The following KITLG variants were observed in gnomAD, a reference collection of about 807,000 sequenced individuals.
The protein encoded by KITLG is KIT ligand.
KITLG carries 13 observed loss-of-function variants against 34.1 expected under a neutral mutation model. The observed-to-expected ratio is 0.38, with a 90% CI of 0.25 to 0.61. The LOEUF (loss-of-function observed/expected upper bound fraction) is 0.61. Ranked by LOEUF, KITLG falls within the 20% of genes least tolerant of loss-of-function variation. The pLI is 0.60. For synonymous variants in KITLG, 110 were observed against 104.0 expected, an observed-to-expected ratio of 1.06 and a Z score of -0.35; for missense variants, 292 against 318.9, an observed-to-expected ratio of 0.92 and a Z score of 0.64.
At position 88,515,331 on chromosome 12, in the gene KITLG, T is replaced by G. The variant is rs368635975; in HGVS notation, c.604+203A>C. Among the ~76,000 whole-genome samples, 6 of 151,872 alleles carry G rather than the reference T, an allele frequency of 4.0e-5. No homozygotes were observed. The East Asian group carries it at 1.2e-3, about 29-fold the overall frequency. On this transcript the variant is annotated intron_variant, in intron 6 of 9. Transcript: ENST00000644744. ...AAAATAACCTCAGCAGAAAATTTAT[T>G]GGCCTAATTCTCTAAACATTATCTC...
At chr12:88,531,257 T>C (rs1437718593) in intron 3 of KITLG, among the ~76,000 whole-genome samples, 2 of 152,184 alleles carry the variant, frequency 1.3e-5, no homozygotes, top group Non-Finnish European at 2.9e-5. Context: ...TAGTGAATGC[T>C]GTCCACATTA....
chr12:88,556,158 C>T (rs1429140035), intron 1 of KITLG, among the ~76,000 whole-genome samples: 2 of 145,880 alleles, frequency 1.4e-5, no homozygotes, highest in African/African-American at 5.1e-5. Context: ...GGAAACAAGG[C>T]ATGTTCTTAG....
rs12344 is a variant in KITLG, at chr12:88,493,186, T to C, written c.*4033A>G. 11,865 of 152,376 alleles carry C rather than the reference T, an allele frequency of 0.078. 507 individuals carry two copies. Among genetic ancestry groups the C allele is most frequent in the Non-Finnish European group, 0.1 (6,958 of 67,828 alleles). 9.4% of individuals were successfully genotyped at this position (152,376 alleles called of 1,614,324 possible). ...ATTTTGATTGGAAAATTATATTTAG[T>C]GAGTATTGTAGCTCAGAGATCAAGT... On this transcript the variant is annotated 3_prime_UTR_variant, in exon 10 of 10. Coordinates refer to ENST00000644744, the MANE Select transcript of KITLG (RefSeq NM_000899.5).
At chr12:88,557,891 G>C (rs1871152682) in intron 1 of KITLG, among the ~76,000 whole-genome samples, 1 of 152,010 alleles carries the variant, frequency 6.6e-6, no homozygotes, top group South Asian at 2.1e-4. Context: ...ACATCACCCT[G>C]ATGTACAAGA....
chr12:88,577,498 C>A (rs565277934), intron 1 of KITLG, among the ~76,000 whole-genome samples: 1 of 152,196 alleles, frequency 6.6e-6, no homozygotes, highest in African/African-American at 2.4e-5. Context: ...AATATGGTGC[C>A]TTGATTGTTA....
At chr12:88,547,883 T>A (rs970000987) in intron 1 of KITLG, among the ~76,000 whole-genome samples, 1 of 152,362 alleles carries the variant, frequency 6.6e-6, no homozygotes, top group Non-Finnish European at 1.5e-5. Context: ...CCAGGCATTG[T>A]CCTAGGTGCT....
chr12:88,542,288 G>A (rs1018530597), intron 2 of KITLG, among the ~76,000 whole-genome samples: 1 of 152,078 alleles, frequency 6.6e-6, no homozygotes, highest in Admixed American at 6.6e-5. Context: ...GGCATATGAA[G>A]GCAGCACAAT....
At chr12:88,498,410 A>G (rs540742610) in intron 9 of KITLG, among the ~76,000 whole-genome samples, 43 of 152,338 alleles carry the variant, frequency 2.8e-4, no homozygotes, top group Admixed American at 6.5e-4. Flanking sequence ...TTAGGAAATC[A>G]GAATTAAATC....
intron 1 of KITLG, among the ~76,000 whole-genome samples, chr12:88,572,595 T>TTATATATATA (rs58146008): frequency 3.8e-4 from 51 of 134,908 alleles, no homozygotes; most frequent in African/African-American, 1.1e-3. Flanking sequence ...ATATACATTA[T>TTATATATATA]TATATATATA....
intron 3 of KITLG, among the ~76,000 whole-genome samples, chr12:88,527,665 T>C (rs1199115656): frequency 6.6e-6 from 1 of 152,182 alleles, no homozygotes; most frequent in East Asian, 1.9e-4. Context: ...TCTCCCCAAA[T>C]TGTGAATGAG....
In KITLG at chr12:88,544,418, C is replaced by A. The variant is rs765379263; in HGVS notation, c.129+1334G>T. On this transcript the variant is annotated intron_variant, in intron 2 of 9. Coordinates refer to ENST00000644744, the MANE Select transcript of KITLG (RefSeq NM_000899.5). ...TCATTCACAAAAGTTAGATTTTAAA[C>A]ACATACTGTCCTTTTAGTATTGTTT... Among the ~76,000 whole-genome samples the A allele has an allele frequency of 2.0e-5, 3 of 151,936 alleles. No individual in the cohort carries two copies. In the East Asian group the frequency reaches 5.8e-4, roughly 29 times the overall value.
chr12:88,531,065 A>G lies in KITLG; in HGVS notation c.192+1376T>C, dbSNP rs1000541109. 9.2e-5 allele frequency among the ~76,000 whole-genome samples: 14 copies of G among 152,350 alleles called. No individual in the cohort carries two copies. The South Asian group carries it at 1.2e-3, about 14-fold the overall frequency. ...TAAATTTACTCAAGAAACACAGTAC[A>G]GTAGTTGAAATGAGTCAACATAAAA... On this transcript the variant is annotated intron_variant, in intron 3 of 9. Transcript: ENST00000644744.
At chr12:88,549,195 T>C (rs1483687519) in intron 1 of KITLG, among the ~76,000 whole-genome samples, 1 of 152,156 alleles carries the variant, frequency 6.6e-6, no homozygotes, top group Non-Finnish European at 1.5e-5. Context: ...AGAGGACAGC[T>C]CATGTAGGGC....
intron 9 of KITLG, among the ~76,000 whole-genome samples, chr12:88,501,422 TTC>T (rs1209103621): frequency 6.6e-6 from 1 of 152,180 alleles, no homozygotes; most frequent in Non-Finnish European, 1.5e-5. Flanking sequence ...CACATTTTAT[TTC>T]TGTCTTGGCA....
intron 1 of KITLG, among the ~76,000 whole-genome samples, chr12:88,579,013 C>G (rs912045396): frequency 3.3e-5 from 5 of 152,178 alleles, no homozygotes; most frequent in African/African-American, 9.7e-5. Flanking sequence ...CGCGTCTTTT[C>G]TCTTAGAGAG....
chr12:88,543,699 C>G (rs1024562728), intron 2 of KITLG, among the ~76,000 whole-genome samples: 1 of 152,100 alleles, frequency 6.6e-6, no homozygotes, highest in Non-Finnish European at 1.5e-5. Context: ...TCTCATATCA[C>G]CATTAAAATT....
chr12:88,529,820 C>G (rs1417725322), intron 3 of KITLG, among the ~76,000 whole-genome samples: 2 of 152,160 alleles, frequency 1.3e-5, no homozygotes, highest in African/African-American at 4.8e-5. Context: ...GGGTGAGACC[C>G]CTGGTTCTGT....
intron 9 of KITLG, among the ~76,000 whole-genome samples, chr12:88,499,976 C>A (rs1028062059): frequency 6.6e-6 from 1 of 152,146 alleles, no homozygotes; most frequent in Non-Finnish European, 1.5e-5. Context: ...GATTGTCACC[C>A]ACATCTTTCC....
chr12:88,578,708 CTT>C (rs1187608482), intron 1 of KITLG, among the ~76,000 whole-genome samples: 1 of 152,132 alleles, frequency 6.6e-6, no homozygotes, highest in Non-Finnish European at 1.5e-5. Context: ...CTCCTGTGTT[CTT>C]GTTTAAATAG....
Sources: allele counts gnomAD v4.1 joint callset (sites outside exome capture counted in the v4.1 genomes callset), GRCh38; gene constraint gnomAD v4.1.1; transcripts MANE v1.5; gene names NCBI Gene and HGNC (gene_info 2026-07-23, HGNC 2026-07-21).